Variants in LEMD1 observed in about 807,000 individuals in gnomAD.
LEMD1 encodes the protein LEM domain containing 1, also known as LEM domain-containing protein 1.
In LEMD1, 18 loss-of-function variants were observed where a neutral mutation model predicts 17.4. The ratio of observed to expected loss-of-function variants is 1.04; its 90% CI spans 0.72 to 1.54. The LOEUF is 1.54. LEMD1 is among the 40% of genes most tolerant of loss of function. The pLI, the probability that LEMD1 is intolerant of heterozygous loss-of-function variation, is 0.00. For synonymous variants in LEMD1, 88 were observed against 77.8 expected (o/e 1.13, Z -0.69); for missense variants, 195 against 210.4 (o/e 0.93, Z 0.45).
intron 1 of LEMD1, among the ~76,000 whole-genome samples, chr1:205,432,641 C>T (rs553832773): frequency 2.6e-5 from 4 of 152,388 alleles, no homozygotes; most frequent in African/African-American, 9.6e-5. Context: ...TCATTGCTAG[C>T]TCTGTCCGTG....
In LEMD1 at chr1:205,443,922, G is replaced by C. The variant is rs1254495831; in HGVS notation, c.-39+5946C>G. Reference sequence around the variant, plus strand: ...GTCCCTCTGCCAGGCTGTGGTCTCTGCTCCTCTCTGCTTTGCTCGAGCAGG... The same window carrying C: ...GTCCCTCTGCCAGGCTGTGGTCTCTCCTCCTCTCTGCTTTGCTCGAGCAGG... On this transcript the variant is annotated intron_variant, in intron 1 of 3. Coordinates refer to the LEMD1 transcript ENST00000367154. Among the ~76,000 whole-genome samples, 3 of 152,110 alleles carry C rather than the reference G, an allele frequency of 2.0e-5. No individual in the cohort carries two copies. The East Asian group carries it at 5.8e-4, about 29-fold the overall frequency.
intron 5 of LEMD1, among the ~76,000 whole-genome samples, chr1:205,382,496 C>G (rs915268386): frequency 5.9e-5 from 9 of 152,014 alleles, no homozygotes; most frequent in African/African-American, 1.4e-4. Context: ...CTCCTGGGCT[C>G]AAGGGATCCT....
At chr1:205,409,389 GATA>G (rs1178973765) in intron 4 of LEMD1, among the ~76,000 whole-genome samples, 1 of 152,246 alleles carries the variant, frequency 6.6e-6, no homozygotes, top group East Asian at 1.9e-4. Flanking sequence ...TAATGTTAAT[GATA>G]ATAATAGCTC....
intron 1 of LEMD1, among the ~76,000 whole-genome samples, chr1:205,427,940 G>A (rs779554083): frequency 5.9e-5 from 9 of 152,120 alleles, no homozygotes; most frequent in East Asian, 1.9e-4. Flanking sequence ...GCATTATAAC[G>A]GTTCCTGGTA....
At chr1:205,427,186 T>C (rs569787648) in intron 1 of LEMD1, among the ~76,000 whole-genome samples, 1 of 152,252 alleles carries the variant, frequency 6.6e-6, no homozygotes, top group East Asian at 1.9e-4. Flanking sequence ...AGTACATTCC[T>C]TCCAGAATTT....
At chr1:205,419,038 C>T (rs1002392623) in intron 3 of LEMD1, among the ~76,000 whole-genome samples, 192 bp downstream of exon 3, 1 of 152,206 alleles carries the variant, frequency 6.6e-6, no homozygotes, top group Non-Finnish European at 1.5e-5. Context: ...AAGTCACTGG[C>T]GTGAATACAG....
chr1:205,384,839 T>C (rs1663911236), intron 4 of LEMD1, among the ~76,000 whole-genome samples: 1 of 152,080 alleles, frequency 6.6e-6, no homozygotes, highest in Non-Finnish European at 1.5e-5. Context: ...CTCCCAGGAA[T>C]GTGAAGATGG....
rs746064987 is a variant in LEMD1 at position 205,419,300 on chromosome 1, A to T, written c.135T>A (p.Pro45=). The T allele has an allele frequency of 2.5e-6, 4 of 1,614,212 alleles. No homozygotes were observed. The highest frequency in any genetic ancestry group is 3.4e-6 in the Non-Finnish European group (4 of 1,180,012). Residue 45 remains proline (P), a synonymous_variant, in exon 3 of 6, where the codon CCT becomes CCA. Coordinates refer to ENST00000367153, the MANE Select transcript of LEMD1 (RefSeq NM_001199050.2). ...CATTCATCACAGGTGGTGCACAGGG[A>T]GGTGAGACCAACAACTGTACTAACT... is the stretch of plus-strand genomic sequence containing the variant. ...EKKLVQLLVS[P]PCAPPVMNGP...
intron 4 of LEMD1, among the ~76,000 whole-genome samples, chr1:205,402,490 T>C (rs1262635880): frequency 2.0e-5 from 3 of 152,224 alleles, no homozygotes; most frequent in Non-Finnish European, 2.9e-5. Context: ...TCATTCATGA[T>C]TTGGCTCTCT....
At chr1:205,413,435 C>T (rs934273384) in intron 4 of LEMD1, among the ~76,000 whole-genome samples, 2 of 151,732 alleles carry the variant, frequency 1.3e-5, no homozygotes, top group Non-Finnish European at 2.9e-5. Context: ...ACCACAGGTG[C>T]GCATCACCAT....
chr1:205,430,741 G>A (rs1476045068), intron 1 of LEMD1, among the ~76,000 whole-genome samples: 1 of 152,240 alleles, frequency 6.6e-6, no homozygotes, highest in African/African-American at 2.4e-5. Flanking sequence ...CAAGCAGCCG[G>A]CGAGGCGCAC....
intron 4 of LEMD1, among the ~76,000 whole-genome samples, chr1:205,398,032 A>G (rs1391020908): frequency 1.3e-5 from 2 of 152,254 alleles, no homozygotes; most frequent in Non-Finnish European, 2.9e-5. Flanking sequence ...TCAACATTTC[A>G]TCAATAAGAT....
At chr1:205,406,797 T>C (rs11240473) in intron 4 of LEMD1, among the ~76,000 whole-genome samples, 46,698 of 152,060 alleles carry the variant, frequency 0.31, 7,528 homozygotes, top group African/African-American at 0.38. Context: ...GCGTCTTCTG[T>C]GTCGCTCACG....
intron 4 of LEMD1, among the ~76,000 whole-genome samples, chr1:205,395,539 A>AG (rs1219616769): frequency 6.6e-6 from 1 of 151,662 alleles, no homozygotes; most frequent in Non-Finnish European, 1.5e-5. Flanking sequence ...TGTTGCGGTG[A>AG]GCCAAGATCA....
intron 1 of LEMD1, among the ~76,000 whole-genome samples, chr1:205,432,286 A>G (rs576248121): frequency 6.6e-6 from 1 of 152,264 alleles, no homozygotes; most frequent in East Asian, 1.9e-4. Flanking sequence ...AAGTTCAGAG[A>G]GCCCCCAGCC....
intron 5 of LEMD1, 75 bp from the exon 6 acceptor site, chr1:205,381,931 T>A (rs1223990487): frequency 1.4e-6 from 2 of 1,433,482 alleles, no homozygotes; most frequent in Non-Finnish European, 2.0e-6. Context: ...AGTGTGTGGG[T>A]CTTGAAGCCC....
At chr1:205,419,491 G>T in intron 2 of LEMD1, 139 bp from the exon 3 acceptor site, 7 of 951,918 alleles carry the variant, frequency 7.4e-6, no homozygotes, top group Non-Finnish European at 1.1e-5. Context: ...TTTGAGACAG[G>T]GTCTCACTGT....
intron 4 of LEMD1, among the ~76,000 whole-genome samples, chr1:205,407,084 C>A (rs1405516309): frequency 6.6e-6 from 1 of 152,108 alleles, no homozygotes; most frequent in Non-Finnish European, 1.5e-5. Context: ...GTAATCCCAG[C>A]ACTTTGAGAG....
chr1:205,419,493 T>A, intron 2 of LEMD1, 141 bp from the exon 3 acceptor site: 1 of 913,368 alleles, frequency 1.1e-6, no homozygotes, highest in Non-Finnish European at 1.6e-6. Context: ...TGAGACAGGG[T>A]CTCACTGTGT....
Sources: allele counts gnomAD v4.1 joint callset (sites outside exome capture counted in the v4.1 genomes callset), GRCh38; gene constraint gnomAD v4.1.1; transcripts MANE v1.5; gene names NCBI Gene and HGNC (gene_info 2026-07-23, HGNC 2026-07-21).